Variants in NCAM2 observed in about 807,000 individuals in gnomAD.
The protein encoded by NCAM2 is N-CAM-2.
Under a neutral mutation model 98.1 loss-of-function variants are expected in NCAM2, and 30 were observed. That is an observed-to-expected ratio of 0.31 (90% CI 0.23 to 0.41). The LOEUF is 0.41. Ranked by LOEUF, NCAM2 falls within the 10% of genes least tolerant of loss-of-function variation. The pLI is 1.00. For synonymous variants in NCAM2, 368 were observed against 342.4 expected (o/e 1.07, Z -0.83); for missense variants, 867 against 1,005.8 (o/e 0.86, Z 1.87).
rs1990076411 is a variant in NCAM2, at chr21:21,537,991, A to G, written c.*34A>G. ...TTACAGGGGCTTGAACAACACTACG[A>G]AGAGTATTTGGATTGCGTGACCCTA... is the stretch of plus-strand genomic sequence containing the variant. On this transcript the variant is annotated 3_prime_UTR_variant, in exon 18 of 18. Transcript: ENST00000400546. The G allele has an allele frequency of 7.8e-7, 1 of 1,282,986 alleles. No homozygotes were observed. The highest frequency in any genetic ancestry group is 1.9e-4 in the Middle Eastern group (1 of 5,206). The allele number at this position is 1,282,986 out of a possible 1,614,324, so 79.5% of individuals were successfully genotyped here.
chr21:21,349,245 A>C (rs1194250360), intron 8 of NCAM2, among the ~76,000 whole-genome samples: 6 of 152,198 alleles, frequency 3.9e-5, no homozygotes, highest in African/African-American at 1.4e-4. Context: ...AAATATAATT[A>C]TCTAATCAAA....
intron 10 of NCAM2, among the ~76,000 whole-genome samples, chr21:21,416,518 G>GAA (rs79612070): frequency 6.7e-6 from 1 of 150,124 alleles, no homozygotes; most frequent in East Asian, 2.0e-4. Flanking sequence ...AAAGAAAAAA[G>GAA]AAAAACACTA....
intron 15 of NCAM2, among the ~76,000 whole-genome samples, chr21:21,494,264 C>T (rs1233619836): frequency 6.6e-6 from 1 of 151,652 alleles, no homozygotes; most frequent in Non-Finnish European, 1.5e-5. Context: ...GAAGTATAAT[C>T]ATATAGAGAT....
intron 1 of NCAM2, among the ~76,000 whole-genome samples, chr21:21,089,447 A>T (rs974142870): frequency 3.3e-5 from 5 of 152,212 alleles, no homozygotes; most frequent in Admixed American, 3.3e-4. Flanking sequence ...ACAAAAAATC[A>T]AATTTTAAAA....
intron 1 of NCAM2, among the ~76,000 whole-genome samples, chr21:21,099,827 C>T (rs1270113042): frequency 1.3e-5 from 2 of 151,906 alleles, no homozygotes; most frequent in East Asian, 1.9e-4. Flanking sequence ...TTCACCTAAC[C>T]CACCCTGCCT....
At chr21:21,427,870 G>T (rs894670946) in intron 11 of NCAM2, among the ~76,000 whole-genome samples, 1 of 152,218 alleles carries the variant, frequency 6.6e-6, no homozygotes, top group African/African-American at 2.4e-5. Context: ...GGGAGGGATA[G>T]AAAAATTACA....
intron 11 of NCAM2, among the ~76,000 whole-genome samples, chr21:21,429,772 C>T (rs928464567): frequency 7.2e-5 from 11 of 152,108 alleles, no homozygotes; most frequent in Non-Finnish European, 1.3e-4. Flanking sequence ...GAATTCTACA[C>T]GTGTGTTTGA....
In NCAM2 at chr21:21,272,505, C is replaced by CGT. The variant is rs1568867377; in HGVS notation, c.56-8072_56-8071insTG. Among the ~76,000 whole-genome samples, 24 of 56,584 alleles carry CGT rather than the reference C, an allele frequency of 4.2e-4. 1 individual carries two copies. In the South Asian group the frequency reaches 0.012, roughly 28 times the overall value. 37.1% of individuals were successfully genotyped at this position (56,584 alleles called of 152,430 possible). ...GCACACATACACACACATGCGCGCG[C>CGT]GCGCACACACACACACACACACACA... is the stretch of plus-strand genomic sequence containing the variant. On this transcript the variant is annotated intron_variant, in intron 1 of 17. Coordinates refer to ENST00000400546, the MANE Select transcript of NCAM2 (RefSeq NM_004540.5).
chr21:21,470,360 A>C (rs1242019605), intron 14 of NCAM2, among the ~76,000 whole-genome samples: 1 of 152,102 alleles, frequency 6.6e-6, no homozygotes, highest in Non-Finnish European at 1.5e-5. Flanking sequence ...ATCTTTTTTG[A>C]GAAGTTATGT....
At chr21:21,167,058 C>T (rs7283807) in intron 1 of NCAM2, among the ~76,000 whole-genome samples, 84,558 of 151,906 alleles carry the variant, frequency 0.56, 23,617 homozygotes, top group South Asian at 0.62. Context: ...TTTTATGTCC[C>T]TTCTCTTTCT....
At chr21:21,460,080 G>C (rs1356662577) in intron 12 of NCAM2, among the ~76,000 whole-genome samples, 1 of 151,668 alleles carries the variant, frequency 6.6e-6, no homozygotes, top group Non-Finnish European at 1.5e-5. Context: ...AATTTTATTG[G>C]TAAATTATCT....
rs113221694 is a variant in NCAM2, at chr21:21,522,599, G to A, written c.2283-11938G>A. On this transcript the variant is annotated intron_variant, in intron 16 of 17. Coordinates refer to ENST00000400546, the MANE Select transcript of NCAM2 (RefSeq NM_004540.5). ...CCAATAGATCTGACTTGCAAGAAATGCTTGAACAAGTTCTTTTTTTCTTTT... is the reference window on the plus strand; with the variant it reads ...CCAATAGATCTGACTTGCAAGAAATACTTGAACAAGTTCTTTTTTTCTTTT... 3.9e-3 allele frequency among the ~76,000 whole-genome samples: 577 copies of A among 149,106 alleles called. 9 individuals are homozygous for A. Among genetic ancestry groups the A allele is most frequent in the African/African-American group, 0.014 (558 of 40,812 alleles).
chr21:21,519,291 G>A (rs1205601069), intron 16 of NCAM2, among the ~76,000 whole-genome samples: 1 of 152,066 alleles, frequency 6.6e-6, no homozygotes, highest in Non-Finnish European at 1.5e-5. Flanking sequence ...GACATAATAG[G>A]TTTAGGGGAA....
intron 11 of NCAM2, among the ~76,000 whole-genome samples, chr21:21,427,750 A>G (rs1306451604): frequency 6.6e-6 from 1 of 152,204 alleles, no homozygotes; most frequent in African/African-American, 2.4e-5. Flanking sequence ...ACACACCTCA[A>G]AAAATTCTGA....
chr21:21,079,696 C>T (rs919653894), intron 1 of NCAM2, among the ~76,000 whole-genome samples: 1 of 152,086 alleles, frequency 6.6e-6, no homozygotes, highest in Non-Finnish European at 1.5e-5. Context: ...GATACTCTCT[C>T]CTTCACATTA....
chr21:21,188,026 C>G (rs79942002), intron 1 of NCAM2, among the ~76,000 whole-genome samples: 1 of 152,128 alleles, frequency 6.6e-6, no homozygotes, highest in Non-Finnish European at 1.5e-5. Context: ...TATTTGACTA[C>G]GTCTGAGTGT....
At chr21:21,069,792 T>C (rs973855172) in intron 1 of NCAM2, among the ~76,000 whole-genome samples, 1 of 152,118 alleles carries the variant, frequency 6.6e-6, no homozygotes, top group African/African-American at 2.4e-5. Context: ...TATTTCCAAC[T>C]CCTCTCGATG....
chr21:21,514,263 G>T (rs1029856362), intron 16 of NCAM2, among the ~76,000 whole-genome samples: 2 of 151,100 alleles, frequency 1.3e-5, no homozygotes, highest in African/African-American at 4.9e-5. Flanking sequence ...ATCACCTGAG[G>T]TCAGGAGTTC....
chr21:21,242,797 C>T (rs6518095), intron 1 of NCAM2, among the ~76,000 whole-genome samples: 151,009 of 152,310 alleles, frequency 0.99, 74,875 homozygotes, highest in East Asian at 1. Context: ...TGAATGAATA[C>T]CTTTTTGGCA....
Sources: allele counts gnomAD v4.1 joint callset (sites outside exome capture counted in the v4.1 genomes callset), GRCh38; gene constraint gnomAD v4.1.1; transcripts MANE v1.5; gene names NCBI Gene and HGNC (gene_info 2026-07-23, HGNC 2026-07-21).